The following PTPRM variants were observed in gnomAD, a reference collection of about 807,000 sequenced individuals.
PTPRM encodes receptor-type tyrosine-protein phosphatase mu.
Under a neutral mutation model 186.7 loss-of-function variants are expected in PTPRM, and 47 were observed. The observed-to-expected ratio is 0.25, with a 90% CI of 0.20 to 0.32. PTPRM has a LOEUF of 0.32. PTPRM is among the 10% of genes least tolerant of loss of function. The probability of loss-of-function intolerance (pLI) is 1.00; values close to 1 mark genes in which losing one functional copy is unlikely to be tolerated. For missense variants in PTPRM, 1,494 were observed against 1,865.0 expected (o/e 0.80, Z 3.66); for synonymous variants, 668 against 674.9 (o/e 0.99, Z 0.16).
At chr18:7,658,146 C>CA (rs2038894172) in intron 1 of PTPRM, among the ~76,000 whole-genome samples, 1 of 151,892 alleles carries the variant, frequency 6.6e-6, no homozygotes, top group Non-Finnish European at 1.5e-5. Flanking sequence ...TTATCTTGCA[C>CA]AACTGAAGCT....
intron 1 of PTPRM, among the ~76,000 whole-genome samples, chr18:7,579,119 T>C (rs2036777697): frequency 6.6e-6 from 1 of 152,148 alleles, no homozygotes; most frequent in Non-Finnish European, 1.5e-5. Flanking sequence ...AACATTATGT[T>C]TGAAAAGAAA....
intron 7 of PTPRM, among the ~76,000 whole-genome samples, chr18:8,016,656 G>A (rs1330903702): frequency 6.6e-6 from 1 of 152,148 alleles, no homozygotes. Context: ...ATTGGTGTAG[G>A]GCAAAGCAGA....
intron 2 of PTPRM, among the ~76,000 whole-genome samples, chr18:7,886,539 C>T (rs1438099235): frequency 1.3e-5 from 2 of 152,118 alleles, no homozygotes; most frequent in African/African-American, 4.8e-5. Flanking sequence ...TATAATTTCC[C>T]TTCACTGCTG....
In PTPRM at chr18:8,069,109, C is replaced by CA. The variant is rs71165767; in HGVS notation, c.1133-552dup. On this transcript the variant is annotated intron_variant, in intron 7 of 32. Coordinates refer to ENST00000580170, the MANE Select transcript of PTPRM (RefSeq NM_001105244.2). ...TGGGTGACAGTGTGAGACTCCGTCT[C>CA]AAAAAAAAAAAAAAAAAAAAAAAAA... 4.0e-3 allele frequency among the ~76,000 whole-genome samples: 318 copies of CA among 78,568 alleles called. 2 individuals carry two copies. The highest frequency in any genetic ancestry group is 8.6e-3 in the East Asian group (21 of 2,434). The allele number at this position is 78,568 out of a possible 152,430, so 51.5% of individuals were successfully genotyped here.
At chr18:7,759,532 A>G (rs2041670049) in intron 1 of PTPRM, among the ~76,000 whole-genome samples, 1 of 152,236 alleles carries the variant, frequency 6.6e-6, no homozygotes, top group Non-Finnish European at 1.5e-5. Context: ...CATCCCAGGC[A>G]TATTATGAAG....
chr18:8,245,366 G>C (rs2094468103), intron 15 of PTPRM, among the ~76,000 whole-genome samples: 1 of 152,136 alleles, frequency 6.6e-6, no homozygotes. Context: ...GCATGCACAG[G>C]TGCTGCTTTG....
At chr18:8,381,334 G>C (rs1167950915) in intron 29 of PTPRM, among the ~76,000 whole-genome samples, 1 of 143,118 alleles carries the variant, frequency 7.0e-6, no homozygotes, top group Non-Finnish European at 1.5e-5. Flanking sequence ...TTAATTTCCT[G>C]TCCAGTAGAC....
chr18:8,167,551 C>T (rs1057295415), intron 14 of PTPRM, among the ~76,000 whole-genome samples: 15 of 152,224 alleles, frequency 9.9e-5, no homozygotes, highest in African/African-American at 1.9e-4. Context: ...TAAGGCTGCC[C>T]GTCTGTGGAT....
intron 14 of PTPRM, among the ~76,000 whole-genome samples, chr18:8,218,286 G>T (rs2094113321): frequency 6.6e-6 from 1 of 152,144 alleles, no homozygotes; most frequent in South Asian, 2.1e-4. Flanking sequence ...AGCATCCACT[G>T]CACGCCCAGG....
At chr18:7,600,320 T>C (rs568507001) in intron 1 of PTPRM, among the ~76,000 whole-genome samples, 5 of 152,306 alleles carry the variant, frequency 3.3e-5, no homozygotes, top group Non-Finnish European at 5.9e-5. Context: ...ATTGCCATCA[T>C]TGTGATTTCT....
At chr18:8,198,406 G>C (rs9949326) in intron 14 of PTPRM, among the ~76,000 whole-genome samples, 90,207 of 152,088 alleles carry the variant, frequency 0.59, 27,806 homozygotes, top group East Asian at 0.84. Flanking sequence ...ACCTTGGCCT[G>C]CCAAAGTGCT....
At chr18:8,147,630 CTTTA>C (rs1479061724) in intron 14 of PTPRM, among the ~76,000 whole-genome samples, 1 of 118,550 alleles carries the variant, frequency 8.4e-6, no homozygotes, top group Non-Finnish European at 2.0e-5. Flanking sequence ...TTTGAATACC[CTTTA>C]TTTCTTTCTC....
intron 2 of PTPRM, among the ~76,000 whole-genome samples, chr18:7,778,005 A>G (rs1377118738): frequency 6.6e-6 from 1 of 152,234 alleles, no homozygotes; most frequent in Non-Finnish European, 1.5e-5. Context: ...ATAATAATTC[A>G]TCAAGATGAA....
At chr18:7,601,362 G>A (rs1422648909) in intron 1 of PTPRM, among the ~76,000 whole-genome samples, 1 of 152,154 alleles carries the variant, frequency 6.6e-6, no homozygotes, top group African/African-American at 2.4e-5. Flanking sequence ...TAGTTTCCTG[G>A]GGCTGCTGTA....
chr18:8,134,280 C>G (rs1404719295), intron 13 of PTPRM, among the ~76,000 whole-genome samples: 1 of 152,188 alleles, frequency 6.6e-6, no homozygotes, highest in Admixed American at 6.5e-5. Flanking sequence ...GTTCTCTTTA[C>G]AAATGCTTCT....
intron 14 of PTPRM, among the ~76,000 whole-genome samples, chr18:8,237,809 C>T (rs1156452242): frequency 6.6e-6 from 1 of 152,124 alleles, no homozygotes; most frequent in East Asian, 1.9e-4. Flanking sequence ...GGGATAAATT[C>T]ACAGGACACA....
intron 19 of PTPRM, among the ~76,000 whole-genome samples, chr18:8,295,711 A>G (rs1321370521): frequency 6.6e-6 from 1 of 152,210 alleles, no homozygotes. Flanking sequence ...AAAGACACAC[A>G]TTTTATTTTA....
intron 7 of PTPRM, among the ~76,000 whole-genome samples, chr18:7,962,187 G>A (rs541125507): frequency 1.3e-5 from 2 of 152,252 alleles, no homozygotes; most frequent in East Asian, 1.9e-4. Context: ...ATGTATTTGT[G>A]TAGCTTTCTT....
intron 1 of PTPRM, among the ~76,000 whole-genome samples, chr18:7,666,858 G>T (rs1026474683): frequency 3.9e-5 from 6 of 152,196 alleles, no homozygotes; most frequent in African/African-American, 1.4e-4. Context: ...TAGGGATTTG[G>T]CAGGGGGTAG....
Sources: gnomAD v4.1 joint callset for allele counts (sites outside exome capture counted in the v4.1 genomes callset) on GRCh38, gnomAD v4.1.1 for gene constraint, MANE v1.5 for transcripts, NCBI Gene and HGNC (gene_info 2026-07-23, HGNC 2026-07-21) for gene names.